Variants in LNX2 observed in about 807,000 individuals in gnomAD.
LNX2 encodes the protein ligand of Numb protein X 2.
A neutral mutation model predicts 66.2 loss-of-function variants in LNX2; 35 were observed. That is an observed-to-expected ratio of 0.53 (90% confidence interval 0.40 to 0.70). LNX2 has a LOEUF of 0.70. Among genes scored for constraint, LNX2 ranks in the 30% least tolerant of loss-of-function variants. The pLI, the probability that LNX2 is intolerant of heterozygous loss-of-function variation, is 0.00. For missense variants in LNX2, 791 were observed against 850.8 expected (o/e 0.93, Z 0.87); for synonymous variants, 337 against 315.6 (o/e 1.07, Z -0.72).
At chr13:27,568,312 A>G (rs1955231485) in intron 3 of LNX2, among the ~76,000 whole-genome samples, 1 of 152,222 alleles carries the variant, frequency 6.6e-6, no homozygotes, top group Non-Finnish European at 1.5e-5. Context: ...TAGTTGCGGC[A>G]AGGAAAATTC....
At chr13:27,611,570 T>C (rs924492168) in intron 1 of LNX2, among the ~76,000 whole-genome samples, 3 of 152,224 alleles carry the variant, frequency 2.0e-5, no homozygotes, top group Admixed American at 2.0e-4. Context: ...ATGGTTACGA[T>C]AGTAAATTTT....
intron 1 of LNX2, among the ~76,000 whole-genome samples, chr13:27,612,363 A>C (rs1448188155): frequency 6.6e-6 from 1 of 152,048 alleles, no homozygotes; most frequent in East Asian, 1.9e-4. Flanking sequence ...TCCACCTCTG[A>C]CTGCCTCCTC....
intron 1 of LNX2, among the ~76,000 whole-genome samples, chr13:27,583,489 C>T (rs1294423007): frequency 6.7e-6 from 1 of 149,032 alleles, no homozygotes; most frequent in Non-Finnish European, 1.5e-5. Flanking sequence ...AACTGCTCAC[C>T]TCAGGTGATC....
chr13:27,548,330 A>C lies in LNX2; in HGVS notation c.*5T>G, dbSNP rs759795329. Reference sequence around the variant, plus strand: ...GATGCAAGATTTGAAACCAATTTCCAAAATCTATACAAGGCTGCCAGGCCA... The same window carrying C: ...GATGCAAGATTTGAAACCAATTTCCCAAATCTATACAAGGCTGCCAGGCCA... On this transcript the variant is annotated 3_prime_UTR_variant, in exon 10 of 10. Coordinates refer to ENST00000316334, the MANE Select transcript of LNX2 (RefSeq NM_153371.4). 1.9e-5 allele frequency: 30 copies of C among 1,592,508 alleles called. No individual in the cohort carries two copies. The highest frequency in any genetic ancestry group is 1.7e-4 in the Middle Eastern group (1 of 5,984).
chr13:27,581,431 A>G lies in LNX2; in HGVS notation c.273T>C (p.Leu91=), dbSNP rs773554635. ...KDFCPLDRKR[L]HFKLCKKSSI... is the part of the protein sequence containing the mutation. Reference sequence around the variant, plus strand: ...TAGACTTCTTGCACAACTTAAAATGAAGTCTTTTCCGGTCCAACGGACAGA... The same window carrying G: ...TAGACTTCTTGCACAACTTAAAATGGAGTCTTTTCCGGTCCAACGGACAGA... Residue 91 remains leucine (L), a synonymous_variant, in exon 2 of 10, where the codon CTT becomes CTC. Transcript: ENST00000316334. 5.6e-6 allele frequency: 9 copies of G among 1,609,404 alleles called. No homozygotes were observed. In the East Asian group the frequency reaches 1.6e-4, roughly 28 times the overall value.
chr13:27,603,597 A>G (rs1024322828), intron 1 of LNX2, among the ~76,000 whole-genome samples: 1 of 152,224 alleles, frequency 6.6e-6, no homozygotes, highest in African/African-American at 2.4e-5. Flanking sequence ...AATAGTAACA[A>G]TAGCCACTTA....
At chr13:27,576,038 G>A (rs1162351809) in intron 2 of LNX2, among the ~76,000 whole-genome samples, 1 of 152,128 alleles carries the variant, frequency 6.6e-6, no homozygotes, top group Non-Finnish European at 1.5e-5. Context: ...TCAGTGACTG[G>A]CAGAATGGGC....
chr13:27,559,814 T>C (rs1204179756), intron 6 of LNX2, 28 bp downstream of exon 6: 2 of 1,490,230 alleles, frequency 1.3e-6, no homozygotes, highest in Admixed American at 2.1e-5. Context: ...CCTTTGATGG[T>C]GGCATAAAAA....
chr13:27,616,337 T>C (rs1370972707), intron 1 of LNX2, among the ~76,000 whole-genome samples: 1 of 152,164 alleles, frequency 6.6e-6, no homozygotes, highest in Non-Finnish European at 1.5e-5. Flanking sequence ...AAGTTCTTAC[T>C]TTCAGAGGAA....
chr13:27,550,046 G>A (rs1954987162), intron 9 of LNX2, among the ~76,000 whole-genome samples: 2 of 152,154 alleles, frequency 1.3e-5, no homozygotes, highest in African/African-American at 4.8e-5. Flanking sequence ...GACAGTAAAG[G>A]TAACATTTCA....
Position 27,562,723 on chromosome 13 carries a change from T to C in LNX2, c.914A>G (p.Gln305Arg), listed in dbSNP as rs1471058353. Residue 305 changes from glutamine (Q) to arginine (R), a missense_variant, in exon 5 of 10, where the codon CAG (glutamine) becomes CGG (arginine). Coordinates refer to ENST00000316334, the MANE Select transcript of LNX2 (RefSeq NM_153371.4). ...SHNYARAVLS[Q>R]PCNTLHLTVL... Reference sequence around the variant, plus strand: ...AGTAAGATGCAGTGTGTTGCAGGGCTGGGAAAGGACAGCTCGGGCATAGTT... The same window carrying C: ...AGTAAGATGCAGTGTGTTGCAGGGCCGGGAAAGGACAGCTCGGGCATAGTT... 1.2e-6 allele frequency: 2 copies of C among 1,613,976 alleles called. No individual in the cohort carries two copies. The highest frequency in any genetic ancestry group is 1.7e-6 in the Non-Finnish European group (2 of 1,179,996).
At position 27,562,446 on chromosome 13, in the gene LNX2, A is replaced by G. The variant is rs1955145992; in HGVS notation, c.1191T>C (p.Tyr397=). 6.2e-7 allele frequency: 1 copy of G among 1,614,008 alleles called. No individual in the cohort carries two copies. The highest frequency in any genetic ancestry group is 1.3e-5 in the African/African-American group (1 of 74,938). The part of the protein sequence containing the change: ...VLAINGHDLK[Y]GTPELAAQII... Reference sequence around the variant, plus strand: ...TCTGGGCAGCAAGCTCCGGAGTTCCATACTTCAGGTCGTGCCCATTGATGG... The same window carrying G: ...TCTGGGCAGCAAGCTCCGGAGTTCCGTACTTCAGGTCGTGCCCATTGATGG... Residue 397 remains tyrosine (Y), a synonymous_variant, in exon 5 of 10, where the codon TAT becomes TAC. Transcript: ENST00000316334.
At chr13:27,556,812 A>G (rs1335403824) in intron 6 of LNX2, among the ~76,000 whole-genome samples, 1 of 152,206 alleles carries the variant, frequency 6.6e-6, no homozygotes, top group Non-Finnish European at 1.5e-5. Context: ...TTTGACAGAA[A>G]AGTTGACAGA....
At chr13:27,614,577 C>T (rs115178415) in intron 1 of LNX2, among the ~76,000 whole-genome samples, 2,583 of 152,200 alleles carry the variant, frequency 0.017, 80 homozygotes, top group African/African-American at 0.057. Context: ...TCTTCTGTTC[C>T]GCAAGATCTA....
At chr13:27,565,021 C>T (rs1955187891) in intron 4 of LNX2, among the ~76,000 whole-genome samples, 1 of 152,122 alleles carries the variant, frequency 6.6e-6, no homozygotes, top group Non-Finnish European at 1.5e-5. Context: ...CTTTTCTTAT[C>T]AATTTGAATC....
chr13:27,548,745 G>T (rs578050906), intron 9 of LNX2, among the ~76,000 whole-genome samples: 1 of 152,070 alleles, frequency 6.6e-6, no homozygotes, highest in African/African-American at 2.4e-5. Flanking sequence ...AAAATATAGA[G>T]TAAATATGCT....
At chr13:27,569,682 G>A (rs376189190) in intron 2 of LNX2, among the ~76,000 whole-genome samples, 23 of 152,208 alleles carry the variant, frequency 1.5e-4, no homozygotes, top group African/African-American at 4.1e-4. Context: ...AAGTGGTTGC[G>A]TCCTGACTTA....
intron 3 of LNX2, 67 bp downstream of exon 3, chr13:27,568,962 A>G: frequency 1.4e-6 from 2 of 1,461,298 alleles, no homozygotes; most frequent in Non-Finnish European, 1.8e-6. Context: ...AAAAAAGTAC[A>G]TGTTGGGCAA....
At chr13:27,610,168 C>T (rs566506254) in intron 1 of LNX2, among the ~76,000 whole-genome samples, 11 of 152,304 alleles carry the variant, frequency 7.2e-5, no homozygotes, top group African/African-American at 2.6e-4. Flanking sequence ...TATTTAGTAG[C>T]AGAGGCACAG....
Sources: allele counts gnomAD v4.1 joint callset (sites outside exome capture counted in the v4.1 genomes callset), GRCh38; gene constraint gnomAD v4.1.1; transcripts MANE v1.5; gene names NCBI Gene and HGNC (gene_info 2026-07-23, HGNC 2026-07-21).